The following STXBP2 variants were observed in gnomAD, a reference collection of about 807,000 sequenced individuals.
STXBP2 encodes syntaxin-binding protein 2.
Under a neutral mutation model 72.2 loss-of-function variants are expected in STXBP2, and 47 were observed. The observed-to-expected ratio is 0.65, with a 90% confidence interval of 0.51 to 0.83. STXBP2 has a LOEUF of 0.83. Among genes scored for constraint, STXBP2 ranks in the 40% least tolerant of loss-of-function variants. The pLI is 0.00. For missense variants in STXBP2, 702 were observed against 807.6 expected (o/e 0.87, Z 1.58); for synonymous variants, 367 against 338.7 (o/e 1.08, Z -0.92).
At chr19:7,633,432 TC>T (rs1293022884), upstream of STXBP2, 1 of 1,576,812 alleles carries the variant, frequency 6.3e-7, no homozygotes, top group African/African-American at 1.3e-5. Flanking sequence ...TGAGCCTTCC[TC>T]CGTCTTCTCC....
intron 15 of STXBP2, among the ~76,000 whole-genome samples, chr19:7,645,750 C>A (rs2032108240): frequency 6.6e-6 from 1 of 151,914 alleles, no homozygotes; most frequent in Non-Finnish European, 1.5e-5. Context: ...CCCTGTGCGT[C>A]CCCCTCCAGG....
intron 16 of STXBP2, chr19:7,646,890 A>G: frequency 1.8e-6 from 1 of 565,076 alleles, no homozygotes; most frequent in Non-Finnish European, 3.2e-6. Context: ...GGAGGCCCAG[A>G]CTACTGGGTT....
chr19:7,641,809 G>A lies in STXBP2; in HGVS notation c.534G>A (p.Thr178=), dbSNP rs376463861. ...QLEVLAQQIA[T]LCATLQEYPA... ...AGGTGCTGGCCCAGCAGATTGCCAC[G>A]CTGTGCGCCACCCTGCAGGAGTACC... Residue 178 remains threonine (T), a synonymous_variant, in exon 7 of 19, where the codon ACG becomes ACA. Coordinates refer to ENST00000221283, the MANE Select transcript of STXBP2 (RefSeq NM_006949.4). 4.5e-6 allele frequency: 7 copies of A among 1,551,664 alleles called. No homozygotes were observed. The highest frequency in any genetic ancestry group is 2.4e-5 in the East Asian group (1 of 41,014).
At chr19:7,640,026 ATG>A (rs1425814069) in intron 4 of STXBP2, 13 of 654,700 alleles carry the variant, frequency 2.0e-5, no homozygotes, top group South Asian at 9.1e-5. Context: ...GTGCATGTGC[ATG>A]TGTGTGCGTC....
At chr19:7,630,011 A>G in the STXBP2 span, 2 of 931,598 alleles carry the variant, frequency 2.1e-6, no homozygotes, top group South Asian at 4.0e-5. Context: ...TTGGAAATCC[A>G]GGAGAGGGGA....
intron 4 of STXBP2, chr19:7,640,240 GTA>G: frequency 1.8e-6 from 1 of 547,256 alleles, no homozygotes; most frequent in South Asian, 1.5e-5. Context: ...GCGTCTGTGT[GTA>G]TCTGTGTGTG....
chr19:7,639,152 CTG>C (rs748876682), intron 3 of STXBP2, 52 bp downstream of exon 3: 3 of 1,577,382 alleles, frequency 1.9e-6, no homozygotes, highest in Admixed American at 1.7e-5. Flanking sequence ...GAACCCCTGA[CTG>C]TGCCCCTCTC....
intron 4 of STXBP2, chr19:7,640,069 CGTGT>C (rs774512082): frequency 1.5e-5 from 9 of 601,282 alleles, no homozygotes; most frequent in South Asian, 7.6e-5. Flanking sequence ...TGTGTGTATG[CGTGT>C]GTGTCTGTGG....
rs1599399525 is a variant in STXBP2 at position 7,642,742 on chromosome 19, A to C, written c.903-24A>C. On this transcript the variant is annotated intron_variant, in intron 10 of 18. Transcript: ENST00000221283. The surrounding 1 kb of genome is among the most constrained non-coding windows in gnomAD (Gnocchi z 6.0). ...CTGTGGCTCCTCTCCCCTCACTCTC[A>C]CCCCCGCCCACCCTCATGGCCAGGA... The C allele has an allele frequency of 1.2e-6, 2 of 1,607,382 alleles. No homozygotes were observed. Among genetic ancestry groups the C allele is most frequent in the African/African-American group, 1.4e-5 (1 of 72,982 alleles).
chr19:7,643,071 CG>C, intron 12 of STXBP2, 23 bp downstream of exon 12: 1 of 1,614,064 alleles, frequency 6.2e-7, no homozygotes, highest in African/African-American at 1.3e-5. Context: ...GGGCAGGGAG[CG>C]GGGACACCTC....
At chr19:7,631,320 T>G in the STXBP2 span, 1 of 1,408,938 alleles carries the variant, frequency 7.1e-7, no homozygotes, top group Non-Finnish European at 9.2e-7. Flanking sequence ...GCGGACCCCT[T>G]TGTAATTGGC....
At chr19:7,630,218 G>T in the STXBP2 span, 1 of 452,458 alleles carries the variant, frequency 2.2e-6, no homozygotes, top group Non-Finnish European at 3.9e-6. Flanking sequence ...TCGAGAAGTG[G>T]AGTTGAAGAG....
rs201407516 is a variant in STXBP2 at position 7,644,634 on chromosome 19, C to T, written c.1128C>T (p.Asp376=). 5.0e-4 allele frequency: 813 copies of T among 1,613,072 alleles called. No homozygotes were observed. Among genetic ancestry groups the T allele is most frequent in the Middle Eastern group, 1.2e-3 (7 of 6,058 alleles). Residue 376 remains aspartate (D), a synonymous_variant, in exon 14 of 19, where the codon GAC becomes GAT. Transcript: ENST00000221283. ...SVEQDLAMGS[D]AEGEKIKDSM... ...CGCAGGACCTGGCCATGGGCTCCGA[C>T]GCAGAGGGGGAGAAGATCAAGGACT...
chr19:7,632,183 G>A (rs867454131), upstream of STXBP2: 54 of 767,352 alleles, frequency 7.0e-5, no homozygotes, highest in South Asian at 4.1e-4. The surrounding 1 kb of genome is among the most constrained non-coding windows in gnomAD (Gnocchi z 5.2). Flanking sequence ...GGAGCCACAA[G>A]TTCCAGCCAT....
chr19:7,642,226 G>C lies in STXBP2; in HGVS notation c.687G>C (p.Gln229His), dbSNP rs1050373111. ...AGGGCCCAGAGAAAACCCGCTCCCA[G>C]CTGCTGATAATGGACCGGGCAGCTG... Reference protein sequence around the residue: ...LGEGPEKTRSQLLIMDRAADP... With the variant: ...LGEGPEKTRSHLLIMDRAADP... Residue 229 changes from glutamine to histidine, a missense_variant, in exon 9 of 19, where the codon CAG becomes CAC. Coordinates refer to ENST00000221283, the MANE Select transcript of STXBP2 (RefSeq NM_006949.4). The surrounding 1 kb of genome is among the most constrained non-coding windows in gnomAD (Gnocchi z 6.0). The C allele has an allele frequency of 6.2e-7, 1 of 1,614,150 alleles. No individual in the cohort carries two copies. Among genetic ancestry groups the C allele is most frequent in the Non-Finnish European group, 8.5e-7 (1 of 1,180,016 alleles).
In STXBP2 at chr19:7,642,356, C is replaced by T. The variant is rs551028206; in HGVS notation, c.794+23C>T. 3.5e-5 allele frequency: 57 copies of T among 1,613,322 alleles called. 1 individual carries two copies. In the South Asian group the frequency reaches 6.0e-4, roughly 17 times the overall value. ...CAGGTCTGCAGACTTGGAACCCGTC[C>T]CCACCCTTGCCACTGACCTGGTTCC... is the stretch of plus-strand genomic sequence containing the variant. On this transcript the variant is annotated intron_variant, in intron 9 of 18. Coordinates refer to ENST00000221283, the MANE Select transcript of STXBP2 (RefSeq NM_006949.4). The surrounding 1 kb of genome is among the most constrained non-coding windows in gnomAD (Gnocchi z 6.0).
In STXBP2 at chr19:7,642,687, C is replaced by T. The variant is rs1417690616; in HGVS notation, c.903-79C>T. 2.0e-6 allele frequency: 3 copies of T among 1,502,460 alleles called. No individual in the cohort carries two copies. Among genetic ancestry groups the T allele is most frequent in the African/African-American group, 2.8e-5 (2 of 72,560 alleles). The allele number at this position is 1,502,460 out of a possible 1,614,324, so 93.1% of individuals were successfully genotyped here. Reference sequence around the variant, plus strand: ...GCCTCCAATTTCACCCCACCTCTCCCTGTCCCCCCTGAGTGGGCTCACCCA... The same window carrying T: ...GCCTCCAATTTCACCCCACCTCTCCTTGTCCCCCCTGAGTGGGCTCACCCA... On this transcript the variant is annotated intron_variant, in intron 10 of 18. Coordinates refer to ENST00000221283, the MANE Select transcript of STXBP2 (RefSeq NM_006949.4). This position sits in a 1 kb window ranked among gnomAD's most constrained non-coding sequence, Gnocchi z 6.0.
upstream of STXBP2, among the ~76,000 whole-genome samples, chr19:7,635,173 G>A (rs146175876): frequency 0.011 from 1,651 of 152,288 alleles, 30 homozygotes; most frequent in African/African-American, 0.037. Flanking sequence ...CTGAGAAGCT[G>A]GAGGCGGTCC....
At position 7,642,256 on chromosome 19, in the gene STXBP2, C is replaced by T. The variant is rs367755105; in HGVS notation, c.717C>T (p.Pro239=). ...QLLIMDRAAD[P]VSPLLHELTF... is the part of the protein sequence containing the mutation. ...TGATAATGGACCGGGCAGCTGACCC[C>T]GTGTCCCCACTACTGCATGAGCTCA... The change falls in exon 9 of 19, where the codon CCC becomes CCT. Residue 239 remains proline (P), a synonymous_variant. Transcript: ENST00000221283. This position sits in a 1 kb window ranked among gnomAD's most constrained non-coding sequence, Gnocchi z 6.0. The T allele has an allele frequency of 1.2e-4, 196 of 1,614,178 alleles. 1 individual carries two copies. Among genetic ancestry groups the T allele is most frequent in the Middle Eastern group, 8.2e-4 (5 of 6,062 alleles).
Sources: gnomAD v4.1 joint callset for allele counts (sites outside exome capture counted in the v4.1 genomes callset) on GRCh38, gnomAD v4.1.1 for gene constraint, Gnocchi (gnomAD v3.1) non-coding constraint, MANE v1.5 for transcripts, NCBI Gene and HGNC (gene_info 2026-07-23, HGNC 2026-07-21) for gene names.